Variants in ADGRF3 observed in about 807,000 individuals in gnomAD.
ADGRF3 encodes G protein-coupled receptor 113.
In ADGRF3, 85 loss-of-function variants were observed where a neutral mutation model predicts 93.2. The ratio of observed to expected loss-of-function variants is 0.91; its 90% confidence interval spans 0.77 to 1.09. The LOEUF is 1.09. Ranked by LOEUF, ADGRF3 falls within the 50% of genes least tolerant of loss-of-function variation. ADGRF3 has a pLI of 0.00. For missense variants in ADGRF3, 1,125 were observed against 1,246.2 expected, an observed-to-expected ratio of 0.90 and a Z score of 1.46; for synonymous variants, 534 against 532.5, an observed-to-expected ratio of 1.00 and a Z score of -0.04.
intron 1 of ADGRF3, among the ~76,000 whole-genome samples, chr2:26,339,052 T>G (rs1431465879): frequency 7.0e-6 from 1 of 143,834 alleles, no homozygotes; most frequent in South Asian, 2.2e-4. Flanking sequence ...GAGGCGGAGG[T>G]TGCAGTGAGC....
intron 1 of ADGRF3, among the ~76,000 whole-genome samples, chr2:26,343,050 C>A (rs1208921877): frequency 2.0e-5 from 3 of 152,134 alleles, no homozygotes; most frequent in Non-Finnish European, 2.9e-5. Flanking sequence ...ATGTGCTATA[C>A]TTTTAGATGA....
intron 1 of ADGRF3, among the ~76,000 whole-genome samples, chr2:26,336,583 G>C (rs1309881614): frequency 6.6e-6 from 1 of 151,818 alleles, no homozygotes; most frequent in East Asian, 1.9e-4. Flanking sequence ...AAAATTAGCT[G>C]GGCGTGGTGG....
chr2:26,321,125 A>C (rs533688751), intron 1 of ADGRF3, among the ~76,000 whole-genome samples: 1 of 152,266 alleles, frequency 6.6e-6, no homozygotes, highest in Non-Finnish European at 1.5e-5. Flanking sequence ...CTATGGTAGA[A>C]ACATAGCCCC....
At position 26,318,018 on chromosome 2, in the gene ADGRF3, T is replaced by C. The variant is rs995615444; in HGVS notation, c.115-456A>G. 2.6e-6 allele frequency: 4 copies of C among 1,549,006 alleles called. No individual in the cohort carries two copies. The African/African-American group carries it at 4.1e-5, about 16-fold the overall frequency. On this transcript the variant is annotated intron_variant, in intron 1 of 13. Transcript: ENST00000651242. ...TGTACATTATTTCCTCACCAACTCC[T>C]CCTCTGTCAGGGTGAGGGTGGAGGT...
At chr2:26,318,969 T>A (rs1290688021) in intron 1 of ADGRF3, 4 of 1,551,720 alleles carry the variant, frequency 2.6e-6, no homozygotes, top group Admixed American at 2.0e-5. Context: ...CACTTACAGG[T>A]TGGGATGCTT....
At chr2:26,312,838 G>A in intron 9 of ADGRF3, 105 bp downstream of exon 9, 1 of 1,082,174 alleles carries the variant, frequency 9.2e-7, no homozygotes. Flanking sequence ...AAGGTCTGCT[G>A]CCCAACAGCC....
chr2:26,315,789 C>T (rs2147880172), intron 4 of ADGRF3, 49 bp from the exon 5 acceptor site: 3 of 1,547,922 alleles, frequency 1.9e-6, no homozygotes, highest in East Asian at 2.4e-5. Context: ...ACTTATGGCC[C>T]TCAGATGCAG....
chr2:26,313,426 T>C lies in ADGRF3; in HGVS notation c.1220A>G (p.His407Arg), dbSNP rs1401439408. 3 of 1,609,164 alleles carry C rather than the reference T, an allele frequency of 1.9e-6. No individual in the cohort carries two copies. Among genetic ancestry groups the C allele is most frequent in the Non-Finnish European group, 2.5e-6 (3 of 1,177,912 alleles). Reference sequence around the variant, plus strand: ...GAGCCTCGCATCTGTGCAGCTGCTGTGGACCGGCCCCCAGACTCCGTCAGC... The same window carrying C: ...GAGCCTCGCATCTGTGCAGCTGCTGCGGACCGGCCCCCAGACTCCGTCAGC... ...CGADGVWGPV[H>R]SSCTDARLLA... The change falls in exon 8 of 14, where the codon CAC becomes CGC. Residue 407 changes from histidine (H) to arginine (R), a missense_variant. By Grantham distance (29) the His-to-Arg change is conservative. Coordinates refer to ENST00000651242, the MANE Select transcript of ADGRF3 (RefSeq NM_001321971.2).
At chr2:26,331,779 C>A (rs1484796832) in intron 1 of ADGRF3, among the ~76,000 whole-genome samples, 1 of 151,714 alleles carries the variant, frequency 6.6e-6, no homozygotes, top group African/African-American at 2.4e-5. Context: ...AAACAAAAAA[C>A]CTTTAGATAT....
chr2:26,334,971 T>C (rs1401797254), intron 1 of ADGRF3, among the ~76,000 whole-genome samples: 1 of 152,226 alleles, frequency 6.6e-6, no homozygotes, highest in East Asian at 1.9e-4. Context: ...GCATATGTTA[T>C]TTTGTGCTTT....
rs780242206 is a variant in ADGRF3 at position 26,312,932 on chromosome 2, A to G, written c.1449+11T>C. ...GCCCAGCTGGCCCCCACTGTGGCTC[A>G]GAGATCTCACCTTCAGGGCTCTGCG... On this transcript the variant is annotated intron_variant, in intron 9 of 13. Transcript: ENST00000651242. 1 of 1,599,710 alleles carries G rather than the reference A, an allele frequency of 6.3e-7. No individual in the cohort carries two copies. Among genetic ancestry groups the G allele is most frequent in the South Asian group, 1.1e-5 (1 of 89,160 alleles).
At chr2:26,327,632 G>A (rs1298093606) in intron 1 of ADGRF3, among the ~76,000 whole-genome samples, 1 of 150,272 alleles carries the variant, frequency 6.7e-6, no homozygotes, top group Non-Finnish European at 1.5e-5. Context: ...CACACCTGGT[G>A]AGGGCCTTCC....
chr2:26,346,102 C>G lies in ADGRF3; in HGVS notation c.114+19G>C. 6.4e-7 allele frequency: 1 copy of G among 1,559,580 alleles called. No homozygotes were observed. Among genetic ancestry groups the G allele is most frequent in the African/African-American group, 1.4e-5 (1 of 73,476 alleles). ...GAGGCGGCTACGCGTGCGCGGTGGGCGGAGCGCGGCTCTCCTACCTTCTCG... is the reference window on the plus strand; with the variant it reads ...GAGGCGGCTACGCGTGCGCGGTGGGGGGAGCGCGGCTCTCCTACCTTCTCG... On this transcript the variant is annotated intron_variant, in intron 1 of 13. Transcript: ENST00000651242.
chr2:26,327,502 G>A (rs1178304364), intron 1 of ADGRF3, among the ~76,000 whole-genome samples: 6 of 151,870 alleles, frequency 4.0e-5, no homozygotes, highest in Non-Finnish European at 7.4e-5. Context: ...GTATCAGTAC[G>A]TCTGAGTCTG....
chr2:26,344,288 C>T (rs1676567579), intron 1 of ADGRF3, among the ~76,000 whole-genome samples: 1 of 152,098 alleles, frequency 6.6e-6, no homozygotes, highest in Admixed American at 6.6e-5. Context: ...GGACTACAGG[C>T]GCGTGCCACC....
chr2:26,316,475 G>C (rs747038413), intron 3 of ADGRF3, 27 bp from the exon 4 acceptor site: 2 of 1,546,410 alleles, frequency 1.3e-6, no homozygotes, highest in Non-Finnish European at 1.7e-6. Flanking sequence ...AAGAGGGGGT[G>C]GGCAGGCTGT....
intron 4 of ADGRF3, 102 bp from the exon 5 acceptor site, chr2:26,315,842 A>T: frequency 1.3e-6 from 2 of 1,484,164 alleles, no homozygotes. Context: ...CCATTCCTCC[A>T]CACTCCCTCC....
At chr2:26,330,178 A>G (rs1364018799) in intron 1 of ADGRF3, among the ~76,000 whole-genome samples, 1 of 152,142 alleles carries the variant, frequency 6.6e-6, no homozygotes, top group Non-Finnish European at 1.5e-5. Flanking sequence ...GGTGCTATTC[A>G]GATCTTCTGC....
chr2:26,334,128 G>T (rs933422092), intron 1 of ADGRF3, among the ~76,000 whole-genome samples: 12 of 151,866 alleles, frequency 7.9e-5, no homozygotes, highest in African/African-American at 2.9e-4. Context: ...TTAAAGGGTT[G>T]TACCTGTACA....
Sources: allele counts gnomAD v4.1 joint callset (sites outside exome capture counted in the v4.1 genomes callset), GRCh38; gene constraint gnomAD v4.1.1; transcripts MANE v1.5; gene names NCBI Gene and HGNC (gene_info 2026-07-23, HGNC 2026-07-21).